Variants in RUNDC3B observed in about 807,000 individuals in gnomAD.
The protein encoded by RUNDC3B is RUN domain-containing protein 3B.
Under a neutral mutation model 58.4 loss-of-function variants are expected in RUNDC3B, and 33 were observed. That is an observed-to-expected ratio of 0.56 (90% CI 0.43 to 0.75). The LOEUF (loss-of-function observed/expected upper bound fraction) is 0.75, where lower values mean the gene tolerates loss of function less well. RUNDC3B is among the 30% of genes least tolerant of loss of function. The pLI is 0.00. For synonymous variants in RUNDC3B, 193 were observed against 195.2 expected, an observed-to-expected ratio of 0.99 and a Z score of 0.10; for missense variants, 501 against 535.7, an observed-to-expected ratio of 0.94 and a Z score of 0.64.
In RUNDC3B at chr7:87,756,686, A is replaced by G. The variant is rs551995040; in HGVS notation, c.630-13895A>G. 6.6e-5 allele frequency among the ~76,000 whole-genome samples: 10 copies of G among 152,170 alleles called. No individual in the cohort carries two copies. In the South Asian group the frequency reaches 2.1e-3, roughly 32 times the overall value. On this transcript the variant is annotated intron_variant, in intron 6 of 10. Coordinates refer to ENST00000394654, the MANE Select transcript of RUNDC3B (RefSeq NM_001134405.2). The stretch of plus-strand genomic sequence containing the variant: ...TATACCATATTCCATCAATTTTAAG[A>G]TATACTTCTTTGTTTTACATTTCAA...
intron 10 of RUNDC3B, among the ~76,000 whole-genome samples, chr7:87,827,900 A>G (rs1584306235): frequency 6.6e-6 from 1 of 152,318 alleles, no homozygotes; most frequent in African/African-American, 2.4e-5. Flanking sequence ...GCAGTGGTGC[A>G]TGCCTGTAAT....
In RUNDC3B at chr7:87,637,805, T is replaced by G. The variant is rs552897659; in HGVS notation, c.122+8860T>G. On this transcript the variant is annotated intron_variant, in intron 1 of 10. Transcript: ENST00000394654. ...AGATTTCTTTATTAATTCTAACAGATTTTTTGCAGTTAAAATTTTTTTTTC... is the reference window on the plus strand; with the variant it reads ...AGATTTCTTTATTAATTCTAACAGAGTTTTTGCAGTTAAAATTTTTTTTTC... 2.0e-3 allele frequency among the ~76,000 whole-genome samples: 303 copies of G among 152,196 alleles called. 1 individual carries two copies. Among genetic ancestry groups the G allele is most frequent in the African/African-American group, 6.7e-3 (277 of 41,558 alleles).
intron 1 of RUNDC3B, among the ~76,000 whole-genome samples, chr7:87,650,136 A>C (rs560503258): frequency 5.3e-5 from 8 of 152,280 alleles, no homozygotes; most frequent in African/African-American, 1.7e-4. Context: ...TTGAGTCTGC[A>C]GCTCAAATTT....
intron 6 of RUNDC3B, among the ~76,000 whole-genome samples, chr7:87,757,757 T>C (rs1167736481): frequency 3.9e-5 from 6 of 152,048 alleles, no homozygotes; most frequent in Admixed American, 3.9e-4. Context: ...CACCTGCAAA[T>C]ACTATAGAGC....
intron 3 of RUNDC3B, among the ~76,000 whole-genome samples, chr7:87,702,662 A>T (rs974694379): frequency 6.6e-6 from 1 of 152,068 alleles, no homozygotes; most frequent in Non-Finnish European, 1.5e-5. Flanking sequence ...CCTACATAAA[A>T]CTTCCTTGGG....
chr7:87,805,997 A>G (rs978699528), intron 8 of RUNDC3B, among the ~76,000 whole-genome samples: 1 of 152,216 alleles, frequency 6.6e-6, no homozygotes, highest in Non-Finnish European at 1.5e-5. Flanking sequence ...TCATTTTTGA[A>G]AAAATGTTTA....
At chr7:87,797,170 A>G (rs939704358) in intron 8 of RUNDC3B, among the ~76,000 whole-genome samples, 1 of 152,188 alleles carries the variant, frequency 6.6e-6, no homozygotes, top group Non-Finnish European at 1.5e-5. Flanking sequence ...AATATGAATA[A>G]CTTTATATAT....
At chr7:87,798,235 A>G (rs961457021) in intron 8 of RUNDC3B, among the ~76,000 whole-genome samples, 2 of 152,216 alleles carry the variant, frequency 1.3e-5, no homozygotes, top group Non-Finnish European at 2.9e-5. Context: ...GGAATTTAAC[A>G]AACCTTTTAA....
intron 2 of RUNDC3B, among the ~76,000 whole-genome samples, chr7:87,695,624 G>A (rs1282100157): frequency 6.6e-6 from 1 of 152,014 alleles, no homozygotes; most frequent in Admixed American, 6.6e-5. Context: ...ACTTTCATTT[G>A]TGAAATCAGT....
intron 8 of RUNDC3B, among the ~76,000 whole-genome samples, chr7:87,790,953 C>T (rs2130906134): frequency 6.6e-6 from 1 of 152,140 alleles, no homozygotes; most frequent in East Asian, 1.9e-4. Context: ...ACATCCCAAA[C>T]CTGGAGAAAA....
chr7:87,648,507 A>G (rs2130356464), intron 1 of RUNDC3B, among the ~76,000 whole-genome samples: 1 of 151,082 alleles, frequency 6.6e-6, no homozygotes, highest in South Asian at 2.1e-4. Flanking sequence ...AGCTAGTTCA[A>G]GAAATATGGC....
At chr7:87,665,926 T>G (rs1825186468) in intron 2 of RUNDC3B, among the ~76,000 whole-genome samples, 1 of 151,806 alleles carries the variant, frequency 6.6e-6, no homozygotes, top group African/African-American at 2.4e-5. Flanking sequence ...TCACATTTTC[T>G]TTAGTGCTAC....
At chr7:87,736,821 T>C (rs2130803770) in intron 4 of RUNDC3B, among the ~76,000 whole-genome samples, 1 of 142,076 alleles carries the variant, frequency 7.0e-6, no homozygotes, top group East Asian at 2.0e-4. Flanking sequence ...TATATTTATA[T>C]ATGTTATATA....
At chr7:87,800,437 TG>T (rs1836081316) in intron 8 of RUNDC3B, among the ~76,000 whole-genome samples, 1 of 152,214 alleles carries the variant, frequency 6.6e-6, no homozygotes, top group Non-Finnish European at 1.5e-5. Context: ...TTGGCTGTTG[TG>T]AATAGTGCTA....
intron 9 of RUNDC3B, among the ~76,000 whole-genome samples, chr7:87,810,633 C>T (rs1191501664): frequency 1.3e-5 from 2 of 152,168 alleles, no homozygotes; most frequent in East Asian, 3.9e-4. Flanking sequence ...GTCACCTACT[C>T]ATGGAAATGG....
At chr7:87,672,908 A>G (rs1825974381) in intron 2 of RUNDC3B, among the ~76,000 whole-genome samples, 1 of 152,056 alleles carries the variant, frequency 6.6e-6, no homozygotes, top group African/African-American at 2.4e-5. Context: ...CAATGTGAGT[A>G]CCTGGATGTT....
intron 9 of RUNDC3B, among the ~76,000 whole-genome samples, chr7:87,813,491 A>T (rs890648667): frequency 1.4e-4 from 21 of 152,184 alleles, no homozygotes; most frequent in Non-Finnish European, 2.9e-4. Context: ...TCTATATATA[A>T]TTTTTTTAAA....
intron 2 of RUNDC3B, among the ~76,000 whole-genome samples, chr7:87,690,493 T>C (rs1455915163): frequency 6.6e-6 from 1 of 152,174 alleles, no homozygotes; most frequent in Non-Finnish European, 1.5e-5. Flanking sequence ...CACCTACCTG[T>C]AAATGGCATT....
chr7:87,695,397 T>G (rs533397774), intron 2 of RUNDC3B, among the ~76,000 whole-genome samples: 1 of 152,196 alleles, frequency 6.6e-6, no homozygotes, highest in South Asian at 2.1e-4. Context: ...AGTAAGAAAC[T>G]TGGGATTGCT....
Sources: allele counts gnomAD v4.1 joint callset (sites outside exome capture counted in the v4.1 genomes callset), GRCh38; gene constraint gnomAD v4.1.1; transcripts MANE v1.5; gene names NCBI Gene and HGNC (gene_info 2026-07-23, HGNC 2026-07-21).